The following CNBD1 variants were observed in gnomAD, a reference collection of about 807,000 sequenced individuals.
CNBD1 encodes cyclic nucleotide binding domain containing 1, also known as cyclic nucleotide-binding domain-containing protein 1.
A neutral mutation model predicts 54.4 loss-of-function variants in CNBD1; 71 were observed. That is an observed-to-expected ratio of 1.30 (90% CI 1.08 to 1.59). The LOEUF is 1.59. Among genes scored for constraint, CNBD1 ranks in the 40% most tolerant of loss-of-function variants. The pLI, the probability that CNBD1 is intolerant of heterozygous loss-of-function variation, is 0.00. For synonymous variants in CNBD1, 182 were observed against 170.7 expected (o/e 1.07, Z -0.51); for missense variants, 659 against 518.0 (o/e 1.27, Z -2.64).
chr8:87,278,647 A>G (rs1788055590), intron 6 of CNBD1, among the ~76,000 whole-genome samples: 1 of 151,594 alleles, frequency 6.6e-6, no homozygotes, highest in Non-Finnish European at 1.5e-5. Context: ...AGTTACAGTA[A>G]AAGGGATGAC....
chr8:87,349,703 A>G (rs16898939), intron 8 of CNBD1, among the ~76,000 whole-genome samples: 2,655 of 152,240 alleles, frequency 0.017, 77 homozygotes, highest in African/African-American at 0.058. Context: ...ATGTATTTGA[A>G]TTCAAGTTTT....
intron 5 of CNBD1, among the ~76,000 whole-genome samples, chr8:87,218,027 T>A (rs1814250815): frequency 1.3e-5 from 2 of 152,092 alleles, no homozygotes; most frequent in Non-Finnish European, 2.9e-5. Flanking sequence ...CTTTGATTTA[T>A]TTTTAGAGGT....
chr8:87,340,517 G>T (rs182996722), intron 8 of CNBD1, among the ~76,000 whole-genome samples: 1 of 151,848 alleles, frequency 6.6e-6, no homozygotes, highest in Non-Finnish European at 1.5e-5. Context: ...CTTCTCCTTT[G>T]GGAACTCTCA....
intron 4 of CNBD1, among the ~76,000 whole-genome samples, chr8:87,179,907 A>G (rs961110897): frequency 1.3e-5 from 2 of 152,350 alleles, no homozygotes; most frequent in African/African-American, 4.8e-5. Context: ...ACTAACAAAC[A>G]GGATGTCACC....
intron 5 of CNBD1, among the ~76,000 whole-genome samples, chr8:87,232,336 T>TA (rs1222190629): frequency 6.6e-6 from 1 of 152,168 alleles, no homozygotes; most frequent in East Asian, 1.9e-4. Context: ...TTTCATTTTA[T>TA]AAAAAACTGC....
chr8:87,341,263 A>G (rs913391861), intron 8 of CNBD1, among the ~76,000 whole-genome samples: 2 of 151,982 alleles, frequency 1.3e-5, no homozygotes, highest in Non-Finnish European at 2.9e-5. Flanking sequence ...TTTTTTCTCA[A>G]TGACACCCAG....
intron 10 of CNBD1, among the ~76,000 whole-genome samples, chr8:87,369,780 G>C (rs1035240360): frequency 2.6e-5 from 4 of 151,686 alleles, no homozygotes; most frequent in South Asian, 2.1e-4. Context: ...CAATGTGCCG[G>C]TTAGTTACAT....
intron 9 of CNBD1, among the ~76,000 whole-genome samples, chr8:87,352,538 C>T (rs890437333): frequency 2.7e-5 from 4 of 150,176 alleles, no homozygotes; most frequent in East Asian, 1.9e-4. Context: ...AAGTAGTCCA[C>T]GTATCCACTG....
At chr8:87,382,068 G>A (rs570100780) in intron 10 of CNBD1, among the ~76,000 whole-genome samples, 63 of 151,586 alleles carry the variant, frequency 4.2e-4, no homozygotes, top group Non-Finnish European at 7.8e-4. Context: ...CAGAGAGCCA[G>A]TCTATATTAA....
chr8:87,359,826 A>G (rs1224569522), intron 10 of CNBD1, among the ~76,000 whole-genome samples: 1 of 152,058 alleles, frequency 6.6e-6, no homozygotes, highest in Non-Finnish European at 1.5e-5. Flanking sequence ...TAGCTGTTAT[A>G]TTACATAGGT....
intron 5 of CNBD1, among the ~76,000 whole-genome samples, chr8:87,225,300 G>A (rs1482012538): frequency 6.7e-6 from 1 of 149,414 alleles, no homozygotes; most frequent in Non-Finnish European, 1.5e-5. Context: ...AGTGGTGAGA[G>A]AGGGCATCCC....
intron 4 of CNBD1, among the ~76,000 whole-genome samples, chr8:86,980,032 G>A (rs973593683): frequency 6.6e-6 from 1 of 152,110 alleles, no homozygotes; most frequent in African/African-American, 2.4e-5. Flanking sequence ...GTTTTAAAAG[G>A]CAGATTTATC....
At chr8:87,117,562 G>A (rs1490131570) in intron 4 of CNBD1, among the ~76,000 whole-genome samples, 2 of 152,134 alleles carry the variant, frequency 1.3e-5, no homozygotes, top group East Asian at 3.9e-4. Context: ...AAAAAGACAA[G>A]CATGACTGAT....
intron 10 of CNBD1, among the ~76,000 whole-genome samples, chr8:87,368,620 G>A (rs1810692685): frequency 6.6e-6 from 1 of 151,916 alleles, no homozygotes; most frequent in African/African-American, 2.4e-5. Context: ...CTGGGTGACA[G>A]AACAAAAACC....
chr8:87,397,511 G>A lies in CNBD1; in HGVS notation c.214-31035G>A, dbSNP rs527458608. Among the ~76,000 whole-genome samples, 5 of 151,978 alleles carry A rather than the reference G, an allele frequency of 3.3e-5. No individual in the cohort carries two copies. In the South Asian group the frequency reaches 8.3e-4, roughly 25 times the overall value. On this transcript the variant is annotated intron_variant, in intron 2 of 7. Coordinates refer to the CNBD1 transcript ENST00000521593. Reference sequence around the variant, plus strand: ...AAAACTAAATTTACCTCTACTAATGGCAGATAGTTCATGACAAGAGACAGA... The same window carrying A: ...AAAACTAAATTTACCTCTACTAATGACAGATAGTTCATGACAAGAGACAGA...
intron 2 of CNBD1, among the ~76,000 whole-genome samples, chr8:87,390,046 T>C (rs1350429976): frequency 6.6e-6 from 1 of 151,078 alleles, no homozygotes; most frequent in Admixed American, 6.6e-5. Flanking sequence ...GCTAGCCATA[T>C]GTAGAAAGCT....
chr8:87,083,643 C>T lies in CNBD1; in HGVS notation c.432-122350C>T, dbSNP rs548472676. 6.8e-4 allele frequency among the ~76,000 whole-genome samples: 95 copies of T among 140,506 alleles called. 1 individual carries two copies. Among genetic ancestry groups the T allele is most frequent in the African/African-American group, 1.9e-3 (71 of 36,806 alleles). 92.2% of individuals were successfully genotyped at this position (140,506 alleles called of 152,430 possible). Reference sequence around the variant, plus strand: ...TGACTCTGTGTCCCAGGCTGGAGTGCGGTGGCTGGATCTCGGCTAAGTGCA... The same window carrying T: ...TGACTCTGTGTCCCAGGCTGGAGTGTGGTGGCTGGATCTCGGCTAAGTGCA... On this transcript the variant is annotated intron_variant, in intron 4 of 10. Coordinates refer to ENST00000518476, the MANE Select transcript of CNBD1 (RefSeq NM_173538.3).
chr8:87,052,400 A>G (rs1045500644), intron 4 of CNBD1, among the ~76,000 whole-genome samples: 2 of 152,240 alleles, frequency 1.3e-5, no homozygotes, highest in Non-Finnish European at 2.9e-5. Flanking sequence ...ATAAAGGCCA[A>G]GGAATTTTCA....
chr8:86,969,780 T>A (rs1210886035), intron 4 of CNBD1, among the ~76,000 whole-genome samples: 1 of 145,272 alleles, frequency 6.9e-6, no homozygotes, highest in Admixed American at 6.9e-5. Flanking sequence ...GACTAGTGTT[T>A]TATATATATA....
Sources: gnomAD v4.1 joint callset for allele counts (sites outside exome capture counted in the v4.1 genomes callset) on GRCh38, gnomAD v4.1.1 for gene constraint, MANE v1.5 for transcripts, NCBI Gene and HGNC (gene_info 2026-07-23, HGNC 2026-07-21) for gene names.